The following GPR158 variants were observed in gnomAD, a reference collection of about 807,000 sequenced individuals.
GPR158 encodes metabotropic glycine receptor.
A neutral mutation model predicts 78.2 loss-of-function variants in GPR158; 30 were observed. The observed-to-expected ratio is 0.38, with a 90% CI of 0.29 to 0.52. GPR158 has a LOEUF of 0.52. Ranked by LOEUF, GPR158 falls within the 20% of genes least tolerant of loss-of-function variation. GPR158 has a pLI of 0.83. For missense variants in GPR158, 1,463 were observed against 1,523.5 expected, an observed-to-expected ratio of 0.96 and a Z score of 0.66; for synonymous variants, 581 against 591.1, an observed-to-expected ratio of 0.98 and a Z score of 0.25.
intron 2 of GPR158, among the ~76,000 whole-genome samples, chr10:25,336,530 A>C (rs1045037879): frequency 6.6e-6 from 1 of 151,932 alleles, no homozygotes; most frequent in Non-Finnish European, 1.5e-5. Context: ...GTTTGGTGCA[A>C]TCTCCTATTC....
intron 4 of GPR158, among the ~76,000 whole-genome samples, chr10:25,418,328 T>A (rs911111169): frequency 1.3e-5 from 2 of 152,222 alleles, no homozygotes; most frequent in African/African-American, 2.4e-5. Flanking sequence ...CATTTTATCA[T>A]TTTAAATGAC....
chr10:25,577,387 C>A (rs2130736642), intron 7 of GPR158, among the ~76,000 whole-genome samples: 1 of 152,218 alleles, frequency 6.6e-6, no homozygotes, highest in East Asian at 1.9e-4. Context: ...AAGACTTTCT[C>A]AAGAAGCTGT....
At chr10:25,423,130 TATATAC>T (rs1379554224) in intron 4 of GPR158, among the ~76,000 whole-genome samples, 53 of 147,894 alleles carry the variant, frequency 3.6e-4, no homozygotes, top group Non-Finnish European at 5.2e-4. Flanking sequence ...CATATATATG[TATATAC>T]ATATACATAT....
intron 2 of GPR158, among the ~76,000 whole-genome samples, chr10:25,321,605 A>T (rs927418953): frequency 9.9e-5 from 15 of 152,238 alleles, no homozygotes; most frequent in African/African-American, 3.4e-4. Flanking sequence ...GTCACAAAGA[A>T]CTATTTTAAT....
intron 4 of GPR158, among the ~76,000 whole-genome samples, chr10:25,448,290 C>T (rs1205033766): frequency 6.6e-6 from 1 of 151,826 alleles, no homozygotes; most frequent in Non-Finnish European, 1.5e-5. Flanking sequence ...CGGGGTTTCA[C>T]CGTGTTAGCC....
chr10:25,578,044 A>G (rs1052484506), intron 7 of GPR158, among the ~76,000 whole-genome samples: 2 of 152,214 alleles, frequency 1.3e-5, no homozygotes, highest in Non-Finnish European at 2.9e-5. Context: ...TATAATTCCT[A>G]TAAACATTTA....
intron 5 of GPR158, among the ~76,000 whole-genome samples, chr10:25,489,481 T>A (rs1233159157): frequency 6.6e-6 from 1 of 152,120 alleles, no homozygotes; most frequent in African/African-American, 2.4e-5. Context: ...CATTTGTAAA[T>A]CATGTTAATA....
At chr10:25,258,371 C>G (rs932999968) in intron 2 of GPR158, among the ~76,000 whole-genome samples, 4 of 152,160 alleles carry the variant, frequency 2.6e-5, no homozygotes, top group Non-Finnish European at 4.4e-5. Flanking sequence ...ATATCTTACC[C>G]CTGATTGCGG....
chr10:25,465,640 A>G (rs566299850), intron 4 of GPR158, among the ~76,000 whole-genome samples: 2 of 152,328 alleles, frequency 1.3e-5, no homozygotes, highest in Admixed American at 6.5e-5. Context: ...AATGTGATTT[A>G]TATTGTGCAC....
intron 5 of GPR158, among the ~76,000 whole-genome samples, chr10:25,504,208 T>A (rs1321915654): frequency 6.6e-6 from 1 of 152,200 alleles, no homozygotes; most frequent in African/African-American, 2.4e-5. Context: ...ACTACATTTT[T>A]AATTTACTGA....
chr10:25,257,419 T>C (rs896036875), intron 2 of GPR158, among the ~76,000 whole-genome samples: 1 of 152,196 alleles, frequency 6.6e-6, no homozygotes, highest in Non-Finnish European at 1.5e-5. Context: ...AAATTCTGAT[T>C]AGCATTGAGT....
chr10:25,358,234 T>G (rs1855579487), intron 2 of GPR158, among the ~76,000 whole-genome samples: 1 of 150,240 alleles, frequency 6.7e-6, no homozygotes, highest in Non-Finnish European at 1.5e-5. Flanking sequence ...GGGACTTGCC[T>G]TGTTTTGGAT....
At chr10:25,571,206 C>T (rs544416643) in intron 6 of GPR158, among the ~76,000 whole-genome samples, 4 of 152,148 alleles carry the variant, frequency 2.6e-5, no homozygotes, top group African/African-American at 9.6e-5. Flanking sequence ...TGAGATGGAG[C>T]GTGGTTAAGA....
intron 2 of GPR158, among the ~76,000 whole-genome samples, chr10:25,384,881 T>C (rs546720805): frequency 6.6e-6 from 1 of 152,310 alleles, no homozygotes; most frequent in African/African-American, 2.4e-5. Flanking sequence ...ATCATGCCGA[T>C]TGCAATACGA....
chr10:25,361,837 A>G (rs1431478103), intron 2 of GPR158, among the ~76,000 whole-genome samples: 1 of 151,866 alleles, frequency 6.6e-6, no homozygotes, highest in African/African-American at 2.4e-5. Context: ...ATATTGTATA[A>G]TTGTAGGACT....
At position 25,371,413 on chromosome 10, in the gene GPR158, A is replaced by C. The variant is rs10741080; in HGVS notation, c.1009-24498A>C. On this transcript the variant is annotated intron_variant, in intron 2 of 10. Transcript: ENST00000376351. ...GCATCGCCATGTCAATCCTAAGCCA[A>C]AAGAACAAAGCTGGAGGCATCATGC... is the stretch of plus-strand genomic sequence containing the variant. Among the ~76,000 whole-genome samples, 977 of 151,548 alleles carry C rather than the reference A, an allele frequency of 6.4e-3. 8 individuals are homozygous for C. Among genetic ancestry groups the C allele is most frequent in the African/African-American group, 0.023 (936 of 41,320 alleles).
chr10:25,192,734 C>T (rs569182004), intron 1 of GPR158, among the ~76,000 whole-genome samples: 11 of 150,134 alleles, frequency 7.3e-5, no homozygotes, highest in South Asian at 2.1e-4. Context: ...TTTTTGAGGG[C>T]GCACATGTAC....
chr10:25,422,815 T>A (rs1834768705), intron 4 of GPR158, among the ~76,000 whole-genome samples: 1 of 151,450 alleles, frequency 6.6e-6, no homozygotes, highest in South Asian at 2.1e-4. Context: ...CTGAGCAGTG[T>A]ACACTGTACC....
At chr10:25,268,968 C>A (rs1243613064) in intron 2 of GPR158, among the ~76,000 whole-genome samples, 1 of 152,122 alleles carries the variant, frequency 6.6e-6, no homozygotes, top group African/African-American at 2.4e-5. Context: ...TGTCAATAAC[C>A]TCTTTAAGCA....
Sources: allele counts gnomAD v4.1 joint callset (sites outside exome capture counted in the v4.1 genomes callset), GRCh38; gene constraint gnomAD v4.1.1; transcripts MANE v1.5; gene names NCBI Gene and HGNC (gene_info 2026-07-23, HGNC 2026-07-21).